Variants in PRKAB2 observed in about 807,000 individuals in gnomAD.
PRKAB2 encodes protein kinase AMP-activated non-catalytic subunit beta 2.
A neutral mutation model predicts 29.8 loss-of-function variants in PRKAB2; 18 were observed. That is an observed-to-expected ratio of 0.60 (90% CI 0.42 to 0.89). The LOEUF is 0.89. Ranked by LOEUF, PRKAB2 falls within the 40% of genes least tolerant of loss-of-function variation. PRKAB2 has a pLI of 0.00. For missense variants in PRKAB2, 270 were observed against 344.3 expected, an observed-to-expected ratio of 0.78 and a Z score of 1.71; for synonymous variants, 136 against 125.9, an observed-to-expected ratio of 1.08 and a Z score of -0.54.
chr1:147,166,770 C>T lies in PRKAB2; in HGVS notation c.417+76G>A, dbSNP rs1654272440. 2.6e-6 allele frequency: 4 copies of T among 1,552,340 alleles called. No homozygotes were observed. In the South Asian group the frequency reaches 4.5e-5, roughly 18 times the overall value. ...TCCTCCAGTGTAGGGGAGCAGCTGC[C>T]CATCAGTCTTGACAGAAATGACAGC... On this transcript the variant is annotated intron_variant, in intron 4 of 7. Transcript: ENST00000254101.
At chr1:147,170,622 C>T (rs1379125291) in intron 2 of PRKAB2, among the ~76,000 whole-genome samples, 1 of 151,914 alleles carries the variant, frequency 6.6e-6, no homozygotes, top group African/African-American at 2.4e-5. Flanking sequence ...GTCTGTCACC[C>T]AGGCTGGAGT....
At chr1:147,165,686 T>A (rs1654209228) in intron 5 of PRKAB2, among the ~76,000 whole-genome samples, 1 of 152,026 alleles carries the variant, frequency 6.6e-6, no homozygotes, top group African/African-American at 2.4e-5. Context: ...TCAAATAATA[T>A]TAGAGGAAAT....
intron 2 of PRKAB2, among the ~76,000 whole-genome samples, chr1:147,170,733 G>A (rs1421112282): frequency 6.6e-6 from 1 of 151,964 alleles, no homozygotes; most frequent in Non-Finnish European, 1.5e-5. Flanking sequence ...GCATGCACCA[G>A]CATGCCCGGC....
chr1:147,159,272 A>G lies in PRKAB2; in HGVS notation c.*293T>C. The G allele has an allele frequency of 2.7e-6, 1 of 364,730 alleles. No homozygotes were observed. The highest frequency in any genetic ancestry group is 4.9e-6 in the Non-Finnish European group (1 of 202,126). 22.6% of individuals were successfully genotyped at this position (364,730 alleles called of 1,614,324 possible). On this transcript the variant is annotated 3_prime_UTR_variant, in exon 8 of 8. Transcript: ENST00000254101. ...TATAGTTATTCCTGCAGCGCCCCCA[A>G]ACAGGTCTTGGTGAAAACCCACAGG...
At chr1:147,162,050 C>G (rs1350806892) in intron 6 of PRKAB2, among the ~76,000 whole-genome samples, 1 of 152,166 alleles carries the variant, frequency 6.6e-6, no homozygotes, top group Admixed American at 6.5e-5. Flanking sequence ...TTGCCCACAA[C>G]ACACAAGGAA....
Position 147,156,131 on chromosome 1 carries a change from G to A in PRKAB2, c.*3434C>T, listed in dbSNP as rs1653662091. 6.6e-6 allele frequency: 1 copy of A among 152,494 alleles called. No homozygotes were observed. The highest frequency in any genetic ancestry group is 2.4e-5 in the African/African-American group (1 of 41,408). The allele number at this position is 152,494 out of a possible 1,614,324, so 9.4% of individuals were successfully genotyped here. On this transcript the variant is annotated 3_prime_UTR_variant, in exon 8 of 8. Coordinates refer to ENST00000254101, the MANE Select transcript of PRKAB2 (RefSeq NM_005399.5). The stretch of plus-strand genomic sequence containing the variant: ...CTTTAAGGGGAATCACAATAATGCA[G>A]GAATACACTGTACATCTGCTATTAA...
chr1:147,166,444 A>C, intron 5 of PRKAB2, 54 bp downstream of exon 5: 1 of 1,579,742 alleles, frequency 6.3e-7, no homozygotes, highest in Non-Finnish European at 8.6e-7. Context: ...AACAACTTTT[A>C]GGAAGGAACT....
chr1:147,171,916 CA>C, intron 2 of PRKAB2, 72 bp downstream of exon 2: 1 of 1,542,418 alleles, frequency 6.5e-7, no homozygotes, highest in Non-Finnish European at 8.8e-7. Context: ...AGAAAAGAAC[CA>C]AGAAAGGGAA....
chr1:147,161,591 T>G, intron 7 of PRKAB2, 121 bp downstream of exon 7: 2 of 815,844 alleles, frequency 2.5e-6, no homozygotes, highest in Non-Finnish European at 3.9e-6. Context: ...CTTCTATAAT[T>G]TGATCATTAC....
At chr1:147,161,653 ATG>A in intron 7 of PRKAB2, 57 bp downstream of exon 7, 1 of 1,415,284 alleles carries the variant, frequency 7.1e-7, no homozygotes, top group African/African-American at 1.4e-5. Context: ...CTGAGAACGT[ATG>A]TTACCCTTGA....
At chr1:147,170,883 T>A (rs1171857169) in intron 2 of PRKAB2, among the ~76,000 whole-genome samples, 1 of 152,176 alleles carries the variant, frequency 6.6e-6, no homozygotes, top group Non-Finnish European at 1.5e-5. Flanking sequence ...CGCCAGGCTG[T>A]GATGATGTTA....
At chr1:147,160,808 C>G (rs1176669570) in intron 7 of PRKAB2, 1 of 152,146 alleles carries the variant, frequency 6.6e-6, no homozygotes, top group Non-Finnish European at 1.5e-5. Flanking sequence ...GGCAATTTGA[C>G]CTTCTCTGAG....
intron 6 of PRKAB2, 111 bp downstream of exon 6, chr1:147,162,329 C>T: frequency 8.7e-7 from 1 of 1,152,914 alleles, no homozygotes; most frequent in Non-Finnish European, 1.2e-6. Context: ...ATGTGTATGA[C>T]TTATAATCTC....
chr1:147,169,591 C>T (rs1451365839), intron 2 of PRKAB2, among the ~76,000 whole-genome samples: 5 of 152,138 alleles, frequency 3.3e-5, no homozygotes, highest in African/African-American at 1.2e-4. Context: ...AAAAAACCCT[C>T]ATCTTTAGAG....
In PRKAB2 at chr1:147,157,482, C is replaced by A. The variant is rs1653731623; in HGVS notation, c.*2083G>T. 6.6e-6 allele frequency: 1 copy of A among 152,130 alleles called. No individual in the cohort carries two copies. The highest frequency in any genetic ancestry group is 2.4e-5 in the African/African-American group (1 of 41,424). The allele number at this position is 152,130 out of a possible 1,614,324, so 9.4% of individuals were successfully genotyped here. On this transcript the variant is annotated 3_prime_UTR_variant, in exon 8 of 8. Transcript: ENST00000254101. ...TGACGCATTTCACAAAAGCCTCAGG[C>A]CTGAAAGAAATCGAAGAGATCTCTT...
rs781824950 is a variant in PRKAB2 at position 147,167,949 on chromosome 1, G to A, written c.157-16C>T. 35 of 1,604,512 alleles carry A rather than the reference G, an allele frequency of 2.2e-5. No homozygotes were observed. Among genetic ancestry groups the A allele is most frequent in the South Asian group, 2.1e-4 (19 of 89,542 alleles). ...CCCCAGGGAGCTGTAAGAAGGAGTA[G>A]GTCATCCCTAGAATAAACTGTGACC... is the stretch of plus-strand genomic sequence containing the variant. On this transcript the variant is annotated splice_polypyrimidine_tract_variant and intron_variant, in intron 2 of 7. Coordinates refer to ENST00000254101, the MANE Select transcript of PRKAB2 (RefSeq NM_005399.5).
rs782756093 is a variant in PRKAB2 at position 147,161,813 on chromosome 1, T to C, written c.673-33A>G. On this transcript the variant is annotated intron_variant, in intron 6 of 7. Transcript: ENST00000254101. ...AAAGAGAAAAAAATTACTAAAAAAA[T>C]TACTAAATGAAATTAATGCACAGAC... 43 of 1,528,576 alleles carry C rather than the reference T, an allele frequency of 2.8e-5. No homozygotes were observed. In the Admixed American group the frequency reaches 3.0e-4, roughly 11 times the overall value. 94.7% of individuals were successfully genotyped at this position (1,528,576 alleles called of 1,614,324 possible). A position where few individuals can be genotyped will look rare whatever the true frequency, so the allele number is the denominator to read the frequency against.
chr1:147,171,686 T>A (rs72708504), intron 2 of PRKAB2, among the ~76,000 whole-genome samples: 2 of 152,130 alleles, frequency 1.3e-5, no homozygotes, highest in Non-Finnish European at 1.5e-5. Context: ...AGCAACGCTA[T>A]GGAAGAGAGC....
In PRKAB2 at chr1:147,161,718, G is replaced by A; in HGVS notation, c.735C>T (p.Ser245=). 6.2e-7 allele frequency: 1 copy of A among 1,612,040 alleles called. No individual in the cohort carries two copies. The highest frequency in any genetic ancestry group is 8.5e-7 in the Non-Finnish European group (1 of 1,178,372). Residue 245 remains serine, a synonymous_variant, in exon 7 of 8, where the codon TCC becomes TCT. Transcript: ENST00000254101. Reference sequence around the variant, plus strand: ...AGCCAGGGCCACCACTTACCTTAATGGACAATGCATAGAGATGGTTCAGCA... The same window carrying A: ...AGCCAGGGCCACCACTTACCTTAATAGACAATGCATAGAGATGGTTCAGCA... The part of the protein sequence containing the change: ...HVMLNHLYAL[S]IKDSVMVLSA...
Sources: allele counts gnomAD v4.1 joint callset (sites outside exome capture counted in the v4.1 genomes callset), GRCh38; gene constraint gnomAD v4.1.1; transcripts MANE v1.5; gene names NCBI Gene and HGNC (gene_info 2026-07-23, HGNC 2026-07-21).